Variants in PTPRG observed in about 807,000 individuals in gnomAD.
PTPRG encodes the protein protein tyrosine phosphatase receptor type G.
Under a neutral mutation model 165.3 loss-of-function variants are expected in PTPRG, and 102 were observed. That is an observed-to-expected ratio of 0.62 (90% confidence interval 0.53 to 0.73). The LOEUF (loss-of-function observed/expected upper bound fraction) is 0.73. PTPRG is among the 30% of genes least tolerant of loss of function. PTPRG has a pLI of 0.00. For synonymous variants in PTPRG, 675 were observed against 669.5 expected, an observed-to-expected ratio of 1.01 and a Z score of -0.13; for missense variants, 1,866 against 1,861.4, an observed-to-expected ratio of 1.00 and a Z score of -0.05.
chr3:62,191,281 TGA>T (rs961187174), intron 8 of PTPRG, among the ~76,000 whole-genome samples, 186 bp from the exon 9 acceptor site: 2 of 149,832 alleles, frequency 1.3e-5, no homozygotes, highest in South Asian at 4.3e-4. Flanking sequence ...CACGTGTGTG[TGA>T]GAGAGAGGGA....
intron 2 of PTPRG, among the ~76,000 whole-genome samples, chr3:61,869,124 C>T (rs540040769): frequency 1.3e-4 from 20 of 152,296 alleles, no homozygotes; most frequent in Admixed American, 1.0e-3. Context: ...TCCAGCTTTA[C>T]CATCAGTTGC....
chr3:62,020,402 G>T (rs529581445), intron 4 of PTPRG, among the ~76,000 whole-genome samples: 1 of 152,026 alleles, frequency 6.6e-6, no homozygotes, highest in African/African-American at 2.4e-5. Flanking sequence ...AAGTATAGAG[G>T]CAGAATATAA....
At chr3:62,257,053 T>C (rs1172327637) in intron 16 of PTPRG, among the ~76,000 whole-genome samples, 1 of 152,200 alleles carries the variant, frequency 6.6e-6, no homozygotes, top group Non-Finnish European at 1.5e-5. Context: ...TGTTGTGATT[T>C]CACTGTCTTT....
intron 1 of PTPRG, among the ~76,000 whole-genome samples, chr3:61,701,741 A>G (rs1444134572): frequency 6.6e-6 from 1 of 150,922 alleles, no homozygotes; most frequent in South Asian, 2.1e-4. Flanking sequence ...TACTAAAAAT[A>G]AAAAAATTAT....
At chr3:61,746,990 G>A (rs543058128) in intron 1 of PTPRG, among the ~76,000 whole-genome samples, 21 of 152,272 alleles carry the variant, frequency 1.4e-4, no homozygotes, top group Admixed American at 1.1e-3. Context: ...TGAGCATAGT[G>A]GCATGCGCTG....
chr3:61,729,263 G>A (rs1057099955), intron 1 of PTPRG, among the ~76,000 whole-genome samples: 9 of 152,144 alleles, frequency 5.9e-5, no homozygotes, highest in Admixed American at 5.9e-4. Context: ...TGTGCATCCG[G>A]GCCAGTTGTT....
chr3:61,734,033 CG>C (rs2032624806), intron 1 of PTPRG, among the ~76,000 whole-genome samples: 1 of 152,186 alleles, frequency 6.6e-6, no homozygotes, highest in African/African-American at 2.4e-5. Flanking sequence ...CCGCCTGCCT[CG>C]GCTTTCCAAA....
intron 1 of PTPRG, among the ~76,000 whole-genome samples, chr3:61,592,423 C>G (rs1244787772): frequency 2.0e-5 from 3 of 152,102 alleles, no homozygotes; most frequent in African/African-American, 7.2e-5. Context: ...TGAGCCCAAA[C>G]TGCTTGGAGT....
chr3:62,106,735 A>G (rs1010827516), intron 5 of PTPRG, among the ~76,000 whole-genome samples: 2 of 152,088 alleles, frequency 1.3e-5, no homozygotes, highest in African/African-American at 4.8e-5. Context: ...GAAACTATAC[A>G]TACCTCTAGG....
chr3:61,835,606 A>G (rs1266959035), intron 2 of PTPRG, among the ~76,000 whole-genome samples: 5 of 151,882 alleles, frequency 3.3e-5, no homozygotes, highest in Admixed American at 6.6e-5. Context: ...TGCTGGGATT[A>G]TAGGCATGAA....
chr3:62,051,323 A>T (rs1458939039), intron 4 of PTPRG, among the ~76,000 whole-genome samples: 1 of 152,210 alleles, frequency 6.6e-6, no homozygotes, highest in Non-Finnish European at 1.5e-5. Flanking sequence ...GCCCTGGAAC[A>T]CTGGATCAGC....
At chr3:62,196,612 G>C (rs972085112) in intron 10 of PTPRG, among the ~76,000 whole-genome samples, 2 of 152,094 alleles carry the variant, frequency 1.3e-5, no homozygotes, top group Non-Finnish European at 2.9e-5. Context: ...TTGGTTTGAT[G>C]ACAGGCCTTA....
At position 62,281,526 on chromosome 3, in the gene PTPRG, G is replaced by C. The variant is rs757583655; in HGVS notation, c.3766-37G>C. 6.2e-6 allele frequency: 4 copies of C among 648,496 alleles called. 1 individual carries two copies. The highest frequency in any genetic ancestry group is 5.9e-5 in the South Asian group (2 of 33,802). 40.2% of individuals were successfully genotyped at this position (648,496 alleles called of 1,614,324 possible). On this transcript the variant is annotated intron_variant, in intron 26 of 29. Transcript: ENST00000474889. Reference sequence around the variant, plus strand: ...AGAAATAGAAAACAAATCCTTGACAGAACTGCAGAGGCTTTTTTTTTTTTT... The same window carrying C: ...AGAAATAGAAAACAAATCCTTGACACAACTGCAGAGGCTTTTTTTTTTTTT...
At chr3:62,130,255 G>A (rs1357475417) in intron 5 of PTPRG, among the ~76,000 whole-genome samples, 1 of 152,170 alleles carries the variant, frequency 6.6e-6, no homozygotes, top group Non-Finnish European at 1.5e-5. Context: ...ACTCCTTGTA[G>A]TCGCTCATCC....
intron 8 of PTPRG, among the ~76,000 whole-genome samples, chr3:62,175,786 G>A (rs1171002261): frequency 6.6e-6 from 1 of 152,158 alleles, no homozygotes; most frequent in Non-Finnish European, 1.5e-5. Context: ...GTGGTGGGGA[G>A]GAGCCCTTCT....
chr3:61,720,281 G>A (rs1269416412), intron 1 of PTPRG, among the ~76,000 whole-genome samples: 2 of 151,902 alleles, frequency 1.3e-5, no homozygotes, highest in African/African-American at 4.8e-5. Context: ...GCACCACCAC[G>A]TCCAGCTAAT....
At chr3:61,752,039 A>G (rs554463534) in intron 2 of PTPRG, among the ~76,000 whole-genome samples, 1 of 152,232 alleles carries the variant, frequency 6.6e-6, no homozygotes, top group African/African-American at 2.4e-5. Flanking sequence ...GCGTAAAGTA[A>G]GTAGTTAATA....
intron 2 of PTPRG, among the ~76,000 whole-genome samples, chr3:61,988,016 G>C (rs1048856959): frequency 6.6e-6 from 1 of 152,188 alleles, no homozygotes; most frequent in Non-Finnish European, 1.5e-5. Context: ...GCCTATGACA[G>C]TTGTAATCGT....
intron 5 of PTPRG, among the ~76,000 whole-genome samples, chr3:62,122,546 C>T (rs1703115409): frequency 6.6e-6 from 1 of 152,196 alleles, no homozygotes; most frequent in African/African-American, 2.4e-5. Flanking sequence ...GAAACAGCAG[C>T]ACCCACGCCA....
Sources: allele counts gnomAD v4.1 joint callset (sites outside exome capture counted in the v4.1 genomes callset), GRCh38; gene constraint gnomAD v4.1.1; transcripts MANE v1.5; gene names NCBI Gene and HGNC (gene_info 2026-07-23, HGNC 2026-07-21).